RBM19: variants seen among roughly 807,000 people sequenced by gnomAD.
RBM19 encodes RNA binding motif protein 19.
In RBM19, 94 loss-of-function variants were observed where a neutral mutation model predicts 116.8. The ratio of observed to expected loss-of-function variants is 0.80; its 90% CI spans 0.68 to 0.95. RBM19 has a LOEUF of 0.95. Ranked by LOEUF, RBM19 falls within the 40% of genes least tolerant of loss-of-function variation. The probability of loss-of-function intolerance (pLI) is 0.00; values close to 1 mark genes in which losing one functional copy is unlikely to be tolerated. For missense variants in RBM19, 1,161 were observed against 1,220.7 expected, an observed-to-expected ratio of 0.95 and a Z score of 0.73; for synonymous variants, 475 against 494.1, an observed-to-expected ratio of 0.96 and a Z score of 0.51.
At chr12:113,921,613 G>T (rs531486400) in intron 18 of RBM19, among the ~76,000 whole-genome samples, 66 of 152,274 alleles carry the variant, frequency 4.3e-4, no homozygotes, top group African/African-American at 1.5e-3. Context: ...AGAGCCAACT[G>T]CATTAAGGAA....
At chr12:113,888,626 A>C (rs1474185565) in intron 21 of RBM19, among the ~76,000 whole-genome samples, 2 of 152,136 alleles carry the variant, frequency 1.3e-5, no homozygotes, top group African/African-American at 4.8e-5. Flanking sequence ...ACAGATGAGG[A>C]AACTGAGGTT....
At chr12:113,887,487 A>G (rs1467779635) in intron 21 of RBM19, among the ~76,000 whole-genome samples, 1 of 151,748 alleles carries the variant, frequency 6.6e-6, no homozygotes, top group African/African-American at 2.4e-5. Flanking sequence ...AATACAAAAA[A>G]TTAGCCAGGC....
chr12:113,931,716 T>A (rs917193791), intron 16 of RBM19, among the ~76,000 whole-genome samples: 2 of 152,200 alleles, frequency 1.3e-5, no homozygotes, highest in Non-Finnish European at 2.9e-5. Flanking sequence ...CCTTTGCACC[T>A]GCTGGCCTCT....
chr12:113,826,717 A>T (rs150906074), intron 23 of RBM19, among the ~76,000 whole-genome samples: 1 of 152,198 alleles, frequency 6.6e-6, no homozygotes. Context: ...AAATGAGTAA[A>T]AAGGGCAATG....
chr12:113,857,957 T>C (rs1229230638), intron 22 of RBM19, among the ~76,000 whole-genome samples: 3 of 152,224 alleles, frequency 2.0e-5, no homozygotes, highest in African/African-American at 7.2e-5. Context: ...GTCACTTTAT[T>C]TTAGCCTTGA....
At chr12:113,843,543 CATCGCCAAGTA>C (rs1307850697) in intron 23 of RBM19, among the ~76,000 whole-genome samples, 3 of 152,234 alleles carry the variant, frequency 2.0e-5, no homozygotes, top group African/African-American at 7.2e-5. Context: ...CTGGGTGAAC[CATCGCCAAGTA>C]AGCGGGATCC....
At chr12:113,844,839 GACACTCCACT>G in intron 22 of RBM19, 51 bp from the exon 23 acceptor site, 1 of 1,536,936 alleles carries the variant, frequency 6.5e-7, no homozygotes, top group Non-Finnish European at 8.8e-7. Context: ...CAGTGCGGCA[GACACTCCACT>G]CTGCCTGCCA....
In RBM19 at chr12:113,940,040, C is replaced by A; in HGVS notation, c.1858G>T (p.Glu620Ter). The stretch of plus-strand genomic sequence containing the variant: ...TCCACGATGGCAGTGATTCCGCCCT[C>A]TGGCAGCAGCACGCGGCCCAGGCTG... ...FGSLGRVLLP[E>*]GGITAIVEFL... The change falls in exon 15 of 24, where the codon GAG becomes TAG. Residue 620 changes from glutamate (E) to a stop codon, truncating the protein, a stop_gained. Coordinates refer to ENST00000261741, the MANE Select transcript of RBM19 (RefSeq NM_016196.4). LOFTEE classifies it high-confidence loss of function. The A allele has an allele frequency of 6.2e-7, 1 of 1,614,146 alleles. No homozygotes were observed. The highest frequency in any genetic ancestry group is 8.5e-7 in the Non-Finnish European group (1 of 1,180,014).
At chr12:113,841,761 A>T (rs77318716) in intron 23 of RBM19, among the ~76,000 whole-genome samples, 10,028 of 152,098 alleles carry the variant, frequency 0.066, 647 homozygotes, top group East Asian at 0.34. Flanking sequence ...CTAGTATAAC[A>T]TAGTTGGGGC....
intron 22 of RBM19, among the ~76,000 whole-genome samples, chr12:113,845,838 G>A (rs1876919091): frequency 6.6e-6 from 1 of 152,204 alleles, no homozygotes; most frequent in African/African-American, 2.4e-5. Context: ...CTTGGAGTCT[G>A]AGGTCACCCT....
intron 21 of RBM19, among the ~76,000 whole-genome samples, chr12:113,861,528 G>A (rs1386506710): frequency 6.7e-6 from 1 of 149,478 alleles, no homozygotes; most frequent in African/African-American, 2.5e-5. Context: ...GAGAGAAGGG[G>A]TCGGGGGGTG....
rs184396571 is a variant in RBM19, at chr12:113,917,052, T to C, written c.2441+1340A>G. Among the ~76,000 whole-genome samples, 163 of 152,348 alleles carry C rather than the reference T, an allele frequency of 1.1e-3. 2 individuals are homozygous for C. The highest frequency in any genetic ancestry group is 3.8e-3 in the African/African-American group (159 of 41,582). On this transcript the variant is annotated intron_variant, in intron 20 of 23. Transcript: ENST00000261741. Reference sequence around the variant, plus strand: ...ACAGAAGAGATGTGGAACATTTCCATTGCTGCAGAAGCTTCTATGGAACAG... The same window carrying C: ...ACAGAAGAGATGTGGAACATTTCCACTGCTGCAGAAGCTTCTATGGAACAG...
chr12:113,933,705 C>G (rs1464588353), intron 16 of RBM19, among the ~76,000 whole-genome samples: 3 of 152,234 alleles, frequency 2.0e-5, no homozygotes, highest in African/African-American at 7.2e-5. Context: ...TAAACCACAG[C>G]ATGCTATCTC....
intron 21 of RBM19, among the ~76,000 whole-genome samples, chr12:113,871,651 A>G (rs1879213181): frequency 1.3e-5 from 2 of 152,232 alleles, no homozygotes; most frequent in South Asian, 2.1e-4. Flanking sequence ...GTATCAAAAC[A>G]TGATATTAAA....
Position 113,844,717 on chromosome 12 carries a change from G to A in RBM19, c.2736C>T (p.Ser912=), listed in dbSNP as rs371595560. 7.1e-5 allele frequency: 114 copies of A among 1,613,300 alleles called. No homozygotes were observed. In the South Asian group the frequency reaches 1.1e-3, roughly 16 times the overall value. ...GCCGCAGGGCCTGCAGGGTCACCTC[G>A]GAGTCGGCCCACTCCAGCACCAGCC... The part of the protein sequence containing the change: ...GRRLVLEWAD[S]EVTLQALRRK... The change falls in exon 23 of 24, where the codon TCC becomes TCT. Residue 912 remains serine, a synonymous_variant. Coordinates refer to ENST00000261741, the MANE Select transcript of RBM19 (RefSeq NM_016196.4).
chr12:113,884,147 G>A (rs1295022074), intron 21 of RBM19, among the ~76,000 whole-genome samples: 2 of 149,022 alleles, frequency 1.3e-5, no homozygotes, highest in Non-Finnish European at 3.0e-5. Flanking sequence ...CGCCAGGCAT[G>A]GTGATGCAAG....
intron 21 of RBM19, among the ~76,000 whole-genome samples, chr12:113,864,511 T>C (rs1045614279): frequency 2.0e-5 from 3 of 152,176 alleles, no homozygotes; most frequent in Admixed American, 6.5e-5. Context: ...CATGGAACCA[T>C]TCCCACTGAG....
chr12:113,844,901 C>T lies in RBM19; in HGVS notation c.2665-113G>A, dbSNP rs974973493. The T allele has an allele frequency of 5.0e-6, 7 of 1,405,614 alleles. No homozygotes were observed. In the African/African-American group the frequency reaches 1.0e-4, roughly 20 times the overall value. The allele number at this position is 1,405,614 out of a possible 1,614,324, so 87.1% of individuals were successfully genotyped here. A position where few individuals can be genotyped will look rare whatever the true frequency, so the allele number is the denominator to read the frequency against. The stretch of plus-strand genomic sequence containing the variant: ...TCAGATGCCAAAGCCCAGGTTCTGG[C>T]CCCGTGACATCTGATCTCCAGCGAG... On this transcript the variant is annotated intron_variant, in intron 22 of 23. Transcript: ENST00000261741.
chr12:113,876,353 C>T (rs1224369240), intron 21 of RBM19, among the ~76,000 whole-genome samples: 1 of 152,144 alleles, frequency 6.6e-6, no homozygotes, highest in East Asian at 1.9e-4. Context: ...GCTTATAAGC[C>T]TCTCTCCTCC....
Sources: allele counts gnomAD v4.1 joint callset (sites outside exome capture counted in the v4.1 genomes callset), GRCh38; gene constraint gnomAD v4.1.1; transcripts MANE v1.5; gene names NCBI Gene and HGNC (gene_info 2026-07-23, HGNC 2026-07-21).